Variants in ATP2B2 observed in about 807,000 individuals in gnomAD.
ATP2B2 encodes the protein ATPase plasma membrane Ca2+ transporting 2.
ATP2B2 carries 15 observed loss-of-function variants against 120.0 expected under a neutral mutation model. The ratio of observed to expected loss-of-function variants is 0.12; its 90% CI spans 0.08 to 0.19. The LOEUF (loss-of-function observed/expected upper bound fraction) is 0.19. Among genes scored for constraint, ATP2B2 ranks in the 10% least tolerant of loss-of-function variants. The pLI, the probability that ATP2B2 is intolerant of heterozygous loss-of-function variation, is 1.00. For missense variants in ATP2B2, 1,045 were observed against 1,719.8 expected (o/e 0.61, Z 6.94); for synonymous variants, 694 against 700.3 (o/e 0.99, Z 0.14).
intron 2 of ATP2B2, among the ~76,000 whole-genome samples, chr3:10,569,118 C>A (rs1173629037): frequency 2.0e-5 from 3 of 152,198 alleles, no homozygotes; most frequent in African/African-American, 7.2e-5. Flanking sequence ...TGAGCTCACA[C>A]TCCAGGGAGT....
At position 10,449,573 on chromosome 3, in the gene ATP2B2, C is replaced by G. The variant is rs375858286; in HGVS notation, c.-30G>C. 7 of 1,613,872 alleles carry G rather than the reference C, an allele frequency of 4.3e-6. No individual in the cohort carries two copies. Among genetic ancestry groups the G allele is most frequent in the Non-Finnish European group, 5.9e-6 (7 of 1,179,884 alleles). On this transcript the variant is annotated 5_prime_UTR_variant, in exon 2 of 23. Coordinates refer to ENST00000360273, the MANE Select transcript of ATP2B2 (RefSeq NM_001001331.4). ...GCTGCGGTCCTTGCTCGGGCTGGGC[C>G]CAAGGGTCAGCGCTGGACAAGAGGC... is the stretch of plus-strand genomic sequence containing the variant.
At chr3:10,357,693 T>G (rs1380394582) in intron 14 of ATP2B2, among the ~76,000 whole-genome samples, 1 of 152,170 alleles carries the variant, frequency 6.6e-6, no homozygotes. Flanking sequence ...GGCCAGGGCA[T>G]CCGGTCTGGA....
At chr3:10,350,977 C>T (rs1011455671) in intron 14 of ATP2B2, among the ~76,000 whole-genome samples, 2 of 152,162 alleles carry the variant, frequency 1.3e-5, no homozygotes, top group African/African-American at 4.8e-5. Flanking sequence ...TTGCCTCATC[C>T]ACATACATAG....
intron 1 of ATP2B2, among the ~76,000 whole-genome samples, chr3:10,491,224 A>ATTTTT (rs3077070): frequency 5.0e-5 from 6 of 119,986 alleles, no homozygotes; most frequent in African/African-American, 1.9e-4. Context: ...CCTTCATTCC[A>ATTTTT]TTTTTTTTTT....
chr3:10,687,109 T>C (rs1245439517), intron 1 of ATP2B2, among the ~76,000 whole-genome samples: 1 of 152,194 alleles, frequency 6.6e-6, no homozygotes, highest in Non-Finnish European at 1.5e-5. Context: ...TGCAACTACA[T>C]GGAAGGCCTT....
intron 3 of ATP2B2, among the ~76,000 whole-genome samples, chr3:10,516,154 G>A (rs548204374): frequency 1.7e-4 from 26 of 152,350 alleles, no homozygotes; most frequent in Non-Finnish European, 2.6e-4. Context: ...GGGCAGGCCC[G>A]CAACATGGTT....
chr3:10,644,942 T>C (rs958571005), intron 1 of ATP2B2, among the ~76,000 whole-genome samples: 3 of 152,250 alleles, frequency 2.0e-5, no homozygotes, highest in African/African-American at 7.2e-5. Context: ...ATCAAAATGT[T>C]AATTTTATAG....
intron 3 of ATP2B2, among the ~76,000 whole-genome samples, chr3:10,518,035 G>A (rs912837889): frequency 7.0e-6 from 1 of 142,590 alleles, no homozygotes; most frequent in Non-Finnish European, 1.5e-5. Context: ...AAGAATGAAG[G>A]TAGGGTGGGG....
chr3:10,388,519 C>T, intron 5 of ATP2B2, 117 bp from the exon 6 acceptor site: 1 of 1,447,514 alleles, frequency 6.9e-7, no homozygotes, highest in Non-Finnish European at 9.7e-7. Context: ...GGTCATGGGG[C>T]ATCACCTATG....
intron 1 of ATP2B2, among the ~76,000 whole-genome samples, chr3:10,657,724 C>A (rs1351293114): frequency 6.6e-6 from 1 of 152,222 alleles, no homozygotes; most frequent in Non-Finnish European, 1.5e-5. Flanking sequence ...TTAAATGTCC[C>A]TGTCTGACAG....
intron 1 of ATP2B2, among the ~76,000 whole-genome samples, chr3:10,471,363 CCTGTGTGTGT>C (rs1455860681): frequency 1.2e-5 from 1 of 81,664 alleles, no homozygotes; most frequent in African/African-American, 3.5e-5. Flanking sequence ...GTTCAGGAAA[CCTGTGTGTGT>C]GTGTGTGTGT....
intron 3 of ATP2B2, among the ~76,000 whole-genome samples, chr3:10,528,863 G>A (rs2067153095): frequency 6.6e-6 from 1 of 152,190 alleles, no homozygotes. Flanking sequence ...CTTGGTGCTG[G>A]TGTCAGTGTG....
chr3:10,633,555 T>C (rs747276590), intron 1 of ATP2B2, among the ~76,000 whole-genome samples: 47 of 152,310 alleles, frequency 3.1e-4, no homozygotes, highest in Non-Finnish European at 5.1e-4. Context: ...AATGCCTTCT[T>C]CTCTGATGGT....
rs753859888 is a variant in ATP2B2, at chr3:10,358,902, G to T, written c.1925C>A (p.Ala642Glu). 5 of 1,613,700 alleles carry T rather than the reference G, an allele frequency of 3.1e-6. No individual in the cohort carries two copies. Among genetic ancestry groups the T allele is most frequent in the Admixed American group, 3.3e-5 (2 of 60,008 alleles). The stretch of plus-strand genomic sequence containing the variant: ...GGGCCGGAAGACACGAGGCTCTCCC[G>T]CCCCATTGAGGATTTTGCAGCACCT... ...LKKCCKILNG[A>E]GEPRVFRPRD... Residue 642 changes from alanine to glutamate, a missense_variant, in exon 14 of 23, where the codon GCG (alanine) becomes GAG (glutamate). Physicochemically the swap from Ala to Glu is moderately radical, Grantham distance 107. Transcript: ENST00000360273.
intron 2 of ATP2B2, among the ~76,000 whole-genome samples, chr3:10,584,169 G>C (rs1057325990): frequency 1.3e-5 from 2 of 152,170 alleles, no homozygotes; most frequent in Admixed American, 6.5e-5. Context: ...TGGGGTGGGA[G>C]GGGGCAGAGG....
intron 1 of ATP2B2, among the ~76,000 whole-genome samples, chr3:10,650,693 C>CAA (rs2070435105): frequency 6.6e-6 from 1 of 152,200 alleles, no homozygotes; most frequent in African/African-American, 2.4e-5. Flanking sequence ...TGGGCTTGCC[C>CAA]CCCTGCTCTG....
intron 2 of ATP2B2, among the ~76,000 whole-genome samples, chr3:10,579,810 GAAAACAAAACAAAACAAAAC>G (rs59097062): frequency 6.8e-6 from 1 of 146,206 alleles, no homozygotes; most frequent in African/African-American, 2.5e-5. Flanking sequence ...ACTCCGTCTT[GAAAACAAAACAAAACAAAAC>G]AAAACAAAAC....
intron 3 of ATP2B2, among the ~76,000 whole-genome samples, chr3:10,514,958 C>A (rs2066847962): frequency 6.6e-6 from 1 of 152,166 alleles, no homozygotes; most frequent in African/African-American, 2.4e-5. Context: ...CTGACCTTGT[C>A]CCCCCAGCCT....
chr3:10,703,009 T>A (rs1280622583), intron 1 of ATP2B2, among the ~76,000 whole-genome samples: 1 of 152,184 alleles, frequency 6.6e-6, no homozygotes, highest in East Asian at 1.9e-4. Context: ...GCCCCTCTCC[T>A]TATGGCCCTG....
Sources: gnomAD v4.1 joint callset for allele counts (sites outside exome capture counted in the v4.1 genomes callset) on GRCh38, gnomAD v4.1.1 for gene constraint, MANE v1.5 for transcripts, NCBI Gene and HGNC (gene_info 2026-07-23, HGNC 2026-07-21) for gene names.